Variants in RAB27A observed in about 807,000 individuals in gnomAD.
The protein encoded by RAB27A is ras-related protein Rab-27A.
RAB27A carries 17 observed loss-of-function variants against 20.8 expected under a neutral mutation model. The ratio of observed to expected loss-of-function variants is 0.82; its 90% confidence interval spans 0.56 to 1.23. The LOEUF (loss-of-function observed/expected upper bound fraction) is 1.23. Among genes scored for constraint, RAB27A ranks in the 50% most tolerant of loss-of-function variants. The pLI is 0.00. For synonymous variants in RAB27A, 85 were observed against 92.8 expected, an observed-to-expected ratio of 0.92 and a Z score of 0.48; for missense variants, 277 against 266.7, an observed-to-expected ratio of 1.04 and a Z score of -0.27.
At chr15:55,249,824 T>C (rs1446788051) in intron 2 of RAB27A, among the ~76,000 whole-genome samples, 1 of 152,204 alleles carries the variant, frequency 6.6e-6, no homozygotes, top group Admixed American at 6.5e-5. Flanking sequence ...ATATAAAGCA[T>C]AATAAAAGAA....
At chr15:55,211,889 A>G (rs1895042290) in intron 6 of RAB27A, among the ~76,000 whole-genome samples, 1 of 152,138 alleles carries the variant, frequency 6.6e-6, no homozygotes, top group African/African-American at 2.4e-5. Context: ...ACTAACTAGA[A>G]GAAAAAAACT....
intron 2 of RAB27A, among the ~76,000 whole-genome samples, chr15:55,257,046 G>T (rs1897105296): frequency 6.6e-6 from 1 of 152,186 alleles, no homozygotes; most frequent in Non-Finnish European, 1.5e-5. Context: ...TCCACATCAG[G>T]TGGAAAAGGA....
At position 55,302,989 on chromosome 15, in the gene RAB27A, G is replaced by C. The variant is rs967347433; in HGVS notation, c.-112+11050C>G. Among the ~76,000 whole-genome samples the C allele has an allele frequency of 4.9e-5, 7 of 143,214 alleles. 1 individual carries two copies. Among genetic ancestry groups the C allele is most frequent in the Admixed American group, 1.3e-4 (2 of 14,820 alleles). The allele number at this position is 143,214 out of a possible 152,430, so 94.0% of individuals were successfully genotyped here. A position where few individuals can be genotyped will look rare whatever the true frequency, so the allele number is the denominator to read the frequency against. ...CCCCGTCCAAGAGGGAGGTGGGGGGGGGTCAACCCCCCGCCCGGCCAGCCG... is the reference window on the plus strand; with the variant it reads ...CCCCGTCCAAGAGGGAGGTGGGGGGCGGTCAACCCCCCGCCCGGCCAGCCG... On this transcript the variant is annotated intron_variant, in intron 2 of 5. Coordinates refer to the RAB27A transcript ENST00000563262.
intron 2 of RAB27A, among the ~76,000 whole-genome samples, chr15:55,312,350 A>G (rs142404884): frequency 0.029 from 4,373 of 152,272 alleles, 211 homozygotes; most frequent in African/African-American, 0.1. Flanking sequence ...CTCCCATACA[A>G]AGGGAGGGGA....
intron 1 of RAB27A, among the ~76,000 whole-genome samples, chr15:55,272,146 G>C (rs935749752): frequency 6.6e-6 from 1 of 152,136 alleles, no homozygotes; most frequent in East Asian, 1.9e-4. Context: ...ATCTCCTAGG[G>C]ATCTTTCAAA....
intron 6 of RAB27A, among the ~76,000 whole-genome samples, chr15:55,223,335 C>A (rs1895661732): frequency 6.6e-6 from 1 of 151,690 alleles, no homozygotes; most frequent in African/African-American, 2.4e-5. Context: ...TACCAGAAAC[C>A]CCATCTCTAC....
chr15:55,261,000 T>C (rs12438103), intron 2 of RAB27A, among the ~76,000 whole-genome samples: 12,468 of 148,524 alleles, frequency 0.084, 812 homozygotes, highest in Admixed American at 0.19. Flanking sequence ...GGGATGTTGA[T>C]AGTGGGGGAG....
Position 55,204,195 on chromosome 15 carries a change from TA to T in RAB27A, c.*1311del, listed in dbSNP as rs1163165249. ...ACTTTATTCAAACCACTTTAATAAATAAGACTTTTCACCTAAATGAAATACC... is the reference window on the plus strand; with the variant it reads ...ACTTTATTCAAACCACTTTAATAAATAGACTTTTCACCTAAATGAAATACC... On this transcript the variant is annotated 3_prime_UTR_variant, in exon 7 of 7. Transcript: ENST00000336787. 2 of 152,228 alleles carry T rather than the reference TA, an allele frequency of 1.3e-5. No individual in the cohort carries two copies. The highest frequency in any genetic ancestry group is 2.4e-5 in the African/African-American group (1 of 41,470). 9.4% of individuals were successfully genotyped at this position (152,228 alleles called of 1,614,324 possible). A position where few individuals can be genotyped will look rare whatever the true frequency, so the allele number is the denominator to read the frequency against.
upstream of RAB27A, among the ~76,000 whole-genome samples, chr15:55,294,413 C>A (rs895984988): frequency 2.0e-5 from 3 of 151,734 alleles, no homozygotes; most frequent in Non-Finnish European, 4.4e-5. Flanking sequence ...CATGGTGAAA[C>A]CCTGTCTCTA....
intron 1 of RAB27A, among the ~76,000 whole-genome samples, chr15:55,287,211 C>CA (rs35370574): frequency 0.044 from 6,625 of 152,090 alleles, 231 homozygotes; most frequent in Middle Eastern, 0.058. Flanking sequence ...TGAGCCACCG[C>CA]ACCCGGCCTG....
intron 6 of RAB27A, among the ~76,000 whole-genome samples, chr15:55,210,455 G>C (rs1729761497): frequency 7.3e-6 from 1 of 137,548 alleles, no homozygotes; most frequent in South Asian, 2.5e-4. Context: ...CCTATATTTT[G>C]GATAAAAGTC....
intron 2 of RAB27A, among the ~76,000 whole-genome samples, chr15:55,262,610 G>T (rs1217758479): frequency 6.7e-6 from 1 of 149,514 alleles, no homozygotes; most frequent in African/African-American, 2.5e-5. Context: ...GGTGATACAG[G>T]TAGTCTTATC....
At chr15:55,302,271 C>T (rs913671457) in intron 2 of RAB27A, among the ~76,000 whole-genome samples, 4 of 152,168 alleles carry the variant, frequency 2.6e-5, no homozygotes, top group Non-Finnish European at 4.4e-5. Flanking sequence ...GACGGGGTTT[C>T]GCTGTGTTGG....
intron 2 of RAB27A, among the ~76,000 whole-genome samples, chr15:55,312,141 G>C (rs1317996995): frequency 6.6e-6 from 1 of 152,250 alleles, no homozygotes; most frequent in Non-Finnish European, 1.5e-5. Context: ...CCTTCAGTCC[G>C]ATCAGGAGTG....
intron 6 of RAB27A, among the ~76,000 whole-genome samples, chr15:55,217,137 C>G (rs970239955): frequency 6.6e-6 from 1 of 152,102 alleles, no homozygotes; most frequent in Admixed American, 6.5e-5. Flanking sequence ...ATTTGTAAAC[C>G]TCTAGGTCAT....
chr15:55,293,893 GGT>G (rs2054935565), upstream of RAB27A, among the ~76,000 whole-genome samples: 1 of 152,032 alleles, frequency 6.6e-6, no homozygotes, highest in African/African-American at 2.4e-5. Flanking sequence ...CTCCAGCTTG[GGT>G]GATGAGTGAA....
At chr15:55,244,645 T>C (rs554507855) in intron 2 of RAB27A, among the ~76,000 whole-genome samples, 3 of 152,364 alleles carry the variant, frequency 2.0e-5, no homozygotes, top group Admixed American at 6.5e-5. Flanking sequence ...GTTCAATATT[T>C]GAGTGTTCCT....
chr15:55,234,719 T>C, intron 3 of RAB27A, 63 bp downstream of exon 3: 1 of 1,529,778 alleles, frequency 6.5e-7, no homozygotes, highest in Non-Finnish European at 9.0e-7. Flanking sequence ...CAAAGTAAAC[T>C]AAACAGACCA....
chr15:55,221,708 G>T (rs1895579560), intron 6 of RAB27A, among the ~76,000 whole-genome samples: 2 of 152,136 alleles, frequency 1.3e-5, no homozygotes, highest in African/African-American at 4.8e-5. Context: ...TTGGGGGTAG[G>T]AAGTGAAGCA....
Sources: allele counts gnomAD v4.1 joint callset (sites outside exome capture counted in the v4.1 genomes callset), GRCh38; gene constraint gnomAD v4.1.1; transcripts MANE v1.5; gene names NCBI Gene and HGNC (gene_info 2026-07-23, HGNC 2026-07-21).